NRG1: variants seen among roughly 807,000 people sequenced by gnomAD.
The protein encoded by NRG1 is pro-neuregulin-1, membrane-bound isoform.
In NRG1, 18 loss-of-function variants were observed where a neutral mutation model predicts 63.8. The ratio of observed to expected loss-of-function variants is 0.28; its 90% CI spans 0.19 to 0.42. The LOEUF (loss-of-function observed/expected upper bound fraction) is 0.42, where lower values mean the gene tolerates loss of function less well. NRG1 is among the 10% of genes least tolerant of loss of function. The pLI is 1.00. For missense variants in NRG1, 762 were observed against 814.7 expected (o/e 0.94, Z 0.79); for synonymous variants, 302 against 301.3 (o/e 1.00, Z -0.02).
intron 1 of NRG1, among the ~76,000 whole-genome samples, chr8:31,752,706 T>C (rs1199016097): frequency 6.6e-6 from 1 of 151,892 alleles, no homozygotes; most frequent in African/African-American, 2.4e-5. Flanking sequence ...ATAGAGAGAA[T>C]TGCAGTGGGG....
chr8:32,675,709 C>T (rs1309959774), intron 5 of NRG1, among the ~76,000 whole-genome samples: 3 of 151,902 alleles, frequency 2.0e-5, no homozygotes, highest in Non-Finnish European at 2.9e-5. Flanking sequence ...TTGGTATGCA[C>T]GTATATGGGT....
chr8:31,988,948 AC>A (rs1810554214), intron 1 of NRG1, among the ~76,000 whole-genome samples: 1 of 151,964 alleles, frequency 6.6e-6, no homozygotes, highest in African/African-American at 2.4e-5. Flanking sequence ...TCTGTTGCTT[AC>A]AATAAAAAGA....
At chr8:31,767,374 T>C (rs1818175490) in intron 1 of NRG1, among the ~76,000 whole-genome samples, 2 of 152,220 alleles carry the variant, frequency 1.3e-5, no homozygotes, top group South Asian at 4.1e-4. Context: ...TATGCTCCTT[T>C]AACAATGGAA....
At chr8:32,666,045 T>C (rs553629597) in intron 5 of NRG1, among the ~76,000 whole-genome samples, 4 of 152,364 alleles carry the variant, frequency 2.6e-5, no homozygotes, top group African/African-American at 9.6e-5. Flanking sequence ...TGTCTGATCT[T>C]GTGTTTCTTG....
chr8:32,420,196 G>T (rs1816518931), intron 1 of NRG1, among the ~76,000 whole-genome samples: 1 of 152,194 alleles, frequency 6.6e-6, no homozygotes, highest in South Asian at 2.1e-4. Flanking sequence ...AGTGCGTACA[G>T]CTCCCGGTGG....
intron 1 of NRG1, among the ~76,000 whole-genome samples, chr8:31,891,679 G>T (rs1831156460): frequency 6.6e-6 from 1 of 152,244 alleles, no homozygotes; most frequent in Non-Finnish European, 1.5e-5. Flanking sequence ...ATAGAAACCT[G>T]TACGCTAATG....
chr8:32,518,505 C>G (rs1830045195), intron 1 of NRG1, among the ~76,000 whole-genome samples: 1 of 151,986 alleles, frequency 6.6e-6, no homozygotes, highest in Admixed American at 6.6e-5. Flanking sequence ...TTCCTGCTGC[C>G]CTAACTCCCA....
rs148257682 is a variant in NRG1 at position 31,737,842 on chromosome 8, G to A, written c.37+98411G>A. On this transcript the variant is annotated intron_variant, in intron 1 of 10. Coordinates refer to the NRG1 transcript ENST00000519301. ...TCAATATATTTGGAAAACATTGCTC[G>A]CTGGCCTTTCCCCTTGAAATCTGGC... Among the ~76,000 whole-genome samples, 480 of 152,120 alleles carry A rather than the reference G, an allele frequency of 3.2e-3. 3 individuals are homozygous for A. Among genetic ancestry groups the A allele is most frequent in the African/African-American group, 0.011 (445 of 41,522 alleles).
intron 5 of NRG1, among the ~76,000 whole-genome samples, chr8:32,670,968 C>T (rs997533978): frequency 6.6e-6 from 1 of 152,112 alleles, no homozygotes; most frequent in Admixed American, 6.5e-5. Context: ...AATCACACAT[C>T]TCACATTGAG....
At chr8:32,521,251 A>AT (rs1830316712) in intron 1 of NRG1, among the ~76,000 whole-genome samples, 2 of 152,154 alleles carry the variant, frequency 1.3e-5, no homozygotes, top group South Asian at 4.1e-4. Flanking sequence ...CTTTAGGTTT[A>AT]TTTTTTTGTC....
chr8:31,925,921 T>G (rs926878895), intron 1 of NRG1, among the ~76,000 whole-genome samples: 2 of 152,216 alleles, frequency 1.3e-5, no homozygotes, highest in African/African-American at 4.8e-5. Context: ...ATTTAAACCA[T>G]CCACCAGGTC....
chr8:31,957,382 T>C (rs981844767), intron 1 of NRG1, among the ~76,000 whole-genome samples: 3 of 152,160 alleles, frequency 2.0e-5, no homozygotes, highest in Non-Finnish European at 2.9e-5. Context: ...CACTGGGCTA[T>C]GTATGAGTCC....
chr8:32,327,186 A>G (rs1802121477), intron 1 of NRG1, among the ~76,000 whole-genome samples: 1 of 152,202 alleles, frequency 6.6e-6, no homozygotes, highest in Non-Finnish European at 1.5e-5. Context: ...GTTTATTTGA[A>G]CCTGAATCAG....
intron 1 of NRG1, among the ~76,000 whole-genome samples, chr8:32,509,995 G>A (rs1182188545): frequency 6.6e-6 from 1 of 151,654 alleles, no homozygotes; most frequent in South Asian, 2.1e-4. Context: ...TTTTTTGCTT[G>A]TTTTCCCCCT....
At chr8:31,662,724 T>C (rs989850726) in intron 1 of NRG1, among the ~76,000 whole-genome samples, 2 of 152,152 alleles carry the variant, frequency 1.3e-5, no homozygotes, top group Non-Finnish European at 2.9e-5. Context: ...AAGTCCTCCT[T>C]AGGTAGGTTT....
chr8:31,858,439 T>C lies in NRG1; in HGVS notation c.37+219008T>C, dbSNP rs150176032. On this transcript the variant is annotated intron_variant, in intron 1 of 10. Transcript: ENST00000519301. ...AGCTGAGAGAAAATTAAAAAATCAT[T>C]ATTTTGAAGGGTGGTTTTCTCTTAT... Among the ~76,000 whole-genome samples, 738 of 152,176 alleles carry C rather than the reference T, an allele frequency of 4.8e-3. 4 individuals are homozygous for C. The highest frequency in any genetic ancestry group is 0.017 in the African/African-American group (704 of 41,494).
intron 1 of NRG1, among the ~76,000 whole-genome samples, chr8:32,148,556 G>T (rs544574993): frequency 1.3e-5 from 2 of 152,042 alleles, no homozygotes; most frequent in Non-Finnish European, 2.9e-5. Context: ...CCACCACCAC[G>T]CCCGGCTAAT....
intron 1 of NRG1, among the ~76,000 whole-genome samples, chr8:32,030,117 A>G (rs1318467267): frequency 1.3e-5 from 2 of 152,228 alleles, no homozygotes; most frequent in Non-Finnish European, 2.9e-5. Context: ...AATAATAAAT[A>G]TATGTCTATA....
intron 1 of NRG1, among the ~76,000 whole-genome samples, chr8:32,388,501 G>A (rs566461142): frequency 5.8e-4 from 88 of 152,288 alleles, no homozygotes; most frequent in Middle Eastern, 3.4e-3. Flanking sequence ...CATCTTTTAA[G>A]TGGCTACAAT....
Sources: allele counts gnomAD v4.1 joint callset (sites outside exome capture counted in the v4.1 genomes callset), GRCh38; gene constraint gnomAD v4.1.1; transcripts MANE v1.5; gene names NCBI Gene and HGNC (gene_info 2026-07-23, HGNC 2026-07-21).